The following PRR33 variants were observed in gnomAD, a reference collection of about 807,000 sequenced individuals.
The protein encoded by PRR33 is proline-rich protein 33.
PRR33 carries 1 observed loss-of-function variant against 0.5 expected under a neutral mutation model. The observed-to-expected ratio is 2.18, with a 90% CI of 0.77 to 10.34. PRR33 has a LOEUF of 10.34. PRR33 is among the 30% of genes most tolerant of loss of function. The probability of loss-of-function intolerance (pLI) is 0.13; values close to 1 mark genes in which losing one functional copy is unlikely to be tolerated. For synonymous variants in PRR33, 226 were observed against 110.0 expected (o/e 2.06, Z -6.60); for missense variants, 552 against 251.8 (o/e 2.19, Z -8.07).
At chr11:1,913,252 G>A in the PRR33 span, among the ~76,000 whole-genome samples, 4 of 150,862 alleles carry the variant, frequency 2.7e-5, no homozygotes, top group African/African-American at 7.3e-5. Flanking sequence ...TCAGCTTCCC[G>A]AGTAGCTGGG....
At chr11:1,908,580 A>T in the PRR33 span, among the ~76,000 whole-genome samples, 1 of 152,108 alleles carries the variant, frequency 6.6e-6, no homozygotes, top group Non-Finnish European at 1.5e-5. Context: ...AAATGTTCAA[A>T]TTCTACTTTA....
At chr11:1,907,572 C>T in the PRR33 span, among the ~76,000 whole-genome samples, 1 of 152,104 alleles carries the variant, frequency 6.6e-6, no homozygotes, top group Non-Finnish European at 1.5e-5. Context: ...CCACCATGCC[C>T]GGCTTATTTT....
the PRR33 span, among the ~76,000 whole-genome samples, chr11:1,911,926 C>G: frequency 6.8e-6 from 1 of 146,734 alleles, no homozygotes; most frequent in Non-Finnish European, 1.5e-5. Context: ...TTTGGGAGGC[C>G]GAGCTGGGAG....
chr11:1,889,697 C>T (rs1289680440), exon 1 of PRR33: 1 of 639,638 alleles, frequency 1.6e-6, no homozygotes, highest in Middle Eastern at 2.5e-4. Flanking sequence ...CCATCGGGGG[C>T]TCCTCCAGGT....
the PRR33 span, among the ~76,000 whole-genome samples, chr11:1,906,402 G>T: frequency 2.6e-5 from 4 of 152,116 alleles, no homozygotes; most frequent in Admixed American, 6.6e-5. Context: ...AGTTGGCTCT[G>T]AGTGACTGAT....
At chr11:1,907,720 T>A in the PRR33 span, 1 of 152,002 alleles carries the variant, frequency 6.6e-6, no homozygotes, top group Non-Finnish European at 1.5e-5. Flanking sequence ...GGCCTCTAGC[T>A]TTATTTTTAA....
chr11:1,899,034 C>T, the PRR33 span, among the ~76,000 whole-genome samples: 3 of 152,014 alleles, frequency 2.0e-5, no homozygotes, highest in Non-Finnish European at 4.4e-5. Flanking sequence ...ATTGGCCCTT[C>T]GTCTTCCAAC....
chr11:1,907,523 T>A, the PRR33 span, among the ~76,000 whole-genome samples: 1 of 152,344 alleles, frequency 6.6e-6, no homozygotes, highest in Admixed American at 6.5e-5. Context: ...GTGATTCTCC[T>A]GCCTAAGCCT....
chr11:1,899,691 T>C, the PRR33 span, among the ~76,000 whole-genome samples: 1 of 152,320 alleles, frequency 6.6e-6, no homozygotes, highest in African/African-American at 2.4e-5. Context: ...ATTGTATCTG[T>C]AACAAGTTAT....
chr11:1,914,473 TTTTC>T, the PRR33 span, among the ~76,000 whole-genome samples: 2 of 143,846 alleles, frequency 1.4e-5, no homozygotes, highest in African/African-American at 5.2e-5. Context: ...CCTAAGATGT[TTTTC>T]TTTGTGTGTG....
the PRR33 span, among the ~76,000 whole-genome samples, chr11:1,898,652 G>A: frequency 6.6e-6 from 1 of 152,208 alleles, no homozygotes; most frequent in East Asian, 1.9e-4. Context: ...AAGCTGTGAT[G>A]TAGAGGAGTG....
At chr11:1,914,530 C>G in the PRR33 span, among the ~76,000 whole-genome samples, 2 of 143,990 alleles carry the variant, frequency 1.4e-5, no homozygotes, top group African/African-American at 5.3e-5. Flanking sequence ...TGATGTTGCT[C>G]TGTGTATGTG....
At position 1,888,996 on chromosome 11, in the gene PRR33, C is replaced by T. The variant is rs369774440; in HGVS notation, c.*149G>A. On this transcript the variant is annotated 3_prime_UTR_variant, in exon 1 of 1. Coordinates refer to ENST00000640310, the Ensembl canonical transcript of PRR33. ...TAACCATGCAGACTTCCCTCAGCAC[C>T]CCATGTGCCCTTCCCAGGCTGCCCT... is the stretch of plus-strand genomic sequence containing the variant. The T allele has an allele frequency of 1.3e-3, 690 of 548,272 alleles. 14 individuals carry two copies. The South Asian group carries it at 0.016, about 13-fold the overall frequency. 34.0% of individuals were successfully genotyped at this position (548,272 alleles called of 1,614,324 possible). A position where few individuals can be genotyped will look rare whatever the true frequency, so the allele number is the denominator to read the frequency against.
upstream of PRR33, among the ~76,000 whole-genome samples, chr11:1,894,148 T>A (rs113420057): frequency 2.1e-5 from 2 of 94,290 alleles, no homozygotes; most frequent in Admixed American, 2.2e-4. Flanking sequence ...GTGTGACAAG[T>A]TCTCTGTTTC....
the PRR33 span, among the ~76,000 whole-genome samples, chr11:1,898,264 TC>T: frequency 6.6e-6 from 1 of 151,678 alleles, no homozygotes. Flanking sequence ...AGACCGAGTC[TC>T]GCTCCGTCGG....
chr11:1,913,031 T>A, the PRR33 span, among the ~76,000 whole-genome samples: 1 of 152,256 alleles, frequency 6.6e-6, no homozygotes, highest in South Asian at 2.1e-4. Context: ...TTTGTTCATT[T>A]CCTAATTTCA....
chr11:1,890,760 C>A lies in PRR33; in HGVS notation c.-176G>T. 1 of 599,430 alleles carries A rather than the reference C, an allele frequency of 1.7e-6. No individual in the cohort carries two copies. The highest frequency in any genetic ancestry group is 3.0e-6 in the Non-Finnish European group (1 of 336,794). The allele number at this position is 599,430 out of a possible 1,614,324, so 37.1% of individuals were successfully genotyped here. ...AGGGACATGCTGAGCTCGACTGTGC[C>A]TTGGGGACTTTGGGGTGGCCCCACC... On this transcript the variant is annotated 5_prime_UTR_variant, in exon 1 of 1. The change creates a new upstream start codon in the 5' untranslated region. Coordinates refer to ENST00000640310, the Ensembl canonical transcript of PRR33.
At chr11:1,911,419 G>A in the PRR33 span, among the ~76,000 whole-genome samples, 1 of 152,118 alleles carries the variant, frequency 6.6e-6, no homozygotes, top group Non-Finnish European at 1.5e-5. Flanking sequence ...CCCAGCCTGG[G>A]TGACAGAGTG....
the PRR33 span, among the ~76,000 whole-genome samples, chr11:1,900,455 C>G: frequency 6.6e-6 from 1 of 152,138 alleles, no homozygotes; most frequent in Non-Finnish European, 1.5e-5. Flanking sequence ...TTACCCAGTC[C>G]AAATGACATT....
Sources: allele counts gnomAD v4.1 joint callset (sites outside exome capture counted in the v4.1 genomes callset), GRCh38; gene constraint gnomAD v4.1.1; transcripts MANE v1.5; gene names NCBI Gene and HGNC (gene_info 2026-07-23, HGNC 2026-07-21).